Variants in PDIA5 observed in about 807,000 individuals in gnomAD.
PDIA5 encodes protein disulfide isomerase family A member 5, also known as protein disulfide-isomerase A5.
In PDIA5, 58 loss-of-function variants were observed where a neutral mutation model predicts 77.6. The observed-to-expected ratio is 0.75, with a 90% CI of 0.61 to 0.93. The LOEUF (loss-of-function observed/expected upper bound fraction) is 0.93, where lower values mean the gene tolerates loss of function less well. Ranked by LOEUF, PDIA5 falls within the 40% of genes least tolerant of loss-of-function variation. The pLI, the probability that PDIA5 is intolerant of heterozygous loss-of-function variation, is 0.00. For synonymous variants in PDIA5, 250 were observed against 252.1 expected (o/e 0.99, Z 0.08); for missense variants, 630 against 647.7 (o/e 0.97, Z 0.30).
chr3:123,125,324 C>G (rs1429153187), intron 10 of PDIA5, among the ~76,000 whole-genome samples: 1 of 152,158 alleles, frequency 6.6e-6, no homozygotes, highest in Non-Finnish European at 1.5e-5. Flanking sequence ...CTCATTTAAT[C>G]CTCACAACAG....
At chr3:123,092,634 C>G (rs569911716) in intron 3 of PDIA5, among the ~76,000 whole-genome samples, 192 bp downstream of exon 3, 1 of 152,190 alleles carries the variant, frequency 6.6e-6, no homozygotes, top group Non-Finnish European at 1.5e-5. Flanking sequence ...CCCCTTTCTT[C>G]CCAGCCCAGC....
intron 7 of PDIA5, among the ~76,000 whole-genome samples, chr3:123,114,740 A>G (rs1268537260): frequency 6.6e-6 from 1 of 152,224 alleles, no homozygotes; most frequent in Non-Finnish European, 1.5e-5. Flanking sequence ...TGGTGTTCGC[A>G]CTGAGGTGGC....
At chr3:123,095,892 A>T (rs879171201) in intron 3 of PDIA5, among the ~76,000 whole-genome samples, 35 of 152,078 alleles carry the variant, frequency 2.3e-4, no homozygotes, top group African/African-American at 8.0e-4. Context: ...CTGGGCTTCA[A>T]TTGAATCTTC....
intron 3 of PDIA5, among the ~76,000 whole-genome samples, chr3:123,097,696 C>T (rs1934477231): frequency 6.7e-6 from 1 of 149,926 alleles, no homozygotes; most frequent in Non-Finnish European, 1.5e-5. Flanking sequence ...CCCGCCCCCT[C>T]CCCCTCCATT....
At chr3:123,088,824 T>C (rs145394404) in intron 1 of PDIA5, among the ~76,000 whole-genome samples, 2 of 152,356 alleles carry the variant, frequency 1.3e-5, no homozygotes, top group African/African-American at 4.8e-5. Context: ...ATTGGTTTTA[T>C]TGCTATTATT....
chr3:123,085,536 C>A (rs371937427), intron 1 of PDIA5, among the ~76,000 whole-genome samples: 3 of 152,110 alleles, frequency 2.0e-5, no homozygotes, highest in Non-Finnish European at 4.4e-5. Flanking sequence ...AGATGACCTG[C>A]GGGATGGACT....
chr3:123,128,335 G>C (rs1266301602), intron 10 of PDIA5, among the ~76,000 whole-genome samples: 2 of 152,144 alleles, frequency 1.3e-5, no homozygotes, highest in East Asian at 3.8e-4. Flanking sequence ...AGCAGTTTTA[G>C]AGTGTATTCG....
Position 123,141,890 on chromosome 3 carries a change from G to A in PDIA5, c.911-3632G>A, listed in dbSNP as rs940497236. Among the ~76,000 whole-genome samples, 10 of 152,194 alleles carry A rather than the reference G, an allele frequency of 6.6e-5. 1 individual carries two copies. Among genetic ancestry groups the A allele is most frequent in the Admixed American group, 5.9e-4 (9 of 15,282 alleles). ...CTGGGCCCCTGTGCATCAGCTCTCC[G>A]TGTTCTTCCGCTTTGCCTCCCATTG... On this transcript the variant is annotated intron_variant, in intron 11 of 16. Coordinates refer to ENST00000316218, the MANE Select transcript of PDIA5 (RefSeq NM_006810.4).
At chr3:123,093,488 A>T (rs1016721033) in intron 3 of PDIA5, among the ~76,000 whole-genome samples, 1 of 152,226 alleles carries the variant, frequency 6.6e-6, no homozygotes, top group Non-Finnish European at 1.5e-5. Context: ...ATATCTGAAG[A>T]TGACAGCAGT....
chr3:123,156,669 C>T (rs1435026065), intron 15 of PDIA5, among the ~76,000 whole-genome samples: 1 of 152,212 alleles, frequency 6.6e-6, no homozygotes, highest in Non-Finnish European at 1.5e-5. Flanking sequence ...CCACTGGACA[C>T]TCAGGTCTCC....
intron 3 of PDIA5, among the ~76,000 whole-genome samples, chr3:123,099,390 T>C (rs1022788102): frequency 1.3e-5 from 2 of 152,216 alleles, no homozygotes; most frequent in African/African-American, 4.8e-5. Flanking sequence ...AGCACATGTT[T>C]CTGGAGCCAG....
At chr3:123,067,319 C>A in intron 1 of PDIA5, 113 bp downstream of exon 1, 1 of 925,900 alleles carries the variant, frequency 1.1e-6, no homozygotes, top group Non-Finnish European at 1.4e-6. Context: ...CCCGGGGCAC[C>A]GGGATGAGGG....
chr3:123,140,295 A>G (rs527738900), intron 11 of PDIA5, among the ~76,000 whole-genome samples: 1 of 152,300 alleles, frequency 6.6e-6, no homozygotes, highest in East Asian at 1.9e-4. Context: ...GTCTGTAGCC[A>G]TAATAAGTTT....
At chr3:123,075,839 G>T (rs939193983) in intron 1 of PDIA5, among the ~76,000 whole-genome samples, 1 of 134,622 alleles carries the variant, frequency 7.4e-6, no homozygotes, top group Non-Finnish European at 1.7e-5. Context: ...CGAGCTCTGC[G>T]GTAAAGCTAC....
chr3:123,067,763 C>T (rs1216804419), intron 1 of PDIA5, among the ~76,000 whole-genome samples: 6 of 152,218 alleles, frequency 3.9e-5, no homozygotes, highest in Non-Finnish European at 1.5e-5. Context: ...GGAGGAGCTG[C>T]TCCTACACCC....
At chr3:123,120,738 C>T (rs1486967729) in intron 8 of PDIA5, among the ~76,000 whole-genome samples, 1 of 152,184 alleles carries the variant, frequency 6.6e-6, no homozygotes, top group African/African-American at 2.4e-5. Context: ...AGTATCTTTC[C>T]ATCTGGCAGA....
intron 11 of PDIA5, among the ~76,000 whole-genome samples, chr3:123,134,895 T>A (rs1413980021): frequency 6.6e-6 from 1 of 152,040 alleles, no homozygotes; most frequent in African/African-American, 2.4e-5. Flanking sequence ...GTGTCTGTGG[T>A]GCTGCCTGGA....
intron 3 of PDIA5, among the ~76,000 whole-genome samples, chr3:123,096,921 C>G (rs1230964295): frequency 1.3e-5 from 2 of 152,226 alleles, no homozygotes; most frequent in African/African-American, 2.4e-5. Flanking sequence ...GGAGCTGTGC[C>G]TGGTTTGCTA....
intron 15 of PDIA5, among the ~76,000 whole-genome samples, chr3:123,156,704 G>A (rs1445305037): frequency 3.9e-5 from 6 of 152,202 alleles, no homozygotes; most frequent in Non-Finnish European, 8.8e-5. Flanking sequence ...ATCTGTGAGG[G>A]TCCTGAGGCA....
Sources: allele counts gnomAD v4.1 joint callset (sites outside exome capture counted in the v4.1 genomes callset), GRCh38; gene constraint gnomAD v4.1.1; transcripts MANE v1.5; gene names NCBI Gene and HGNC (gene_info 2026-07-23, HGNC 2026-07-21).